CGNL1: variants seen among roughly 807,000 people sequenced by gnomAD.
CGNL1 encodes cingulin-like protein 1.
CGNL1 carries 132 observed loss-of-function variants against 141.2 expected under a neutral mutation model. The observed-to-expected ratio is 0.93, with a 90% CI of 0.81 to 1.08. The LOEUF is 1.08. Ranked by LOEUF, CGNL1 falls within the 50% of genes least tolerant of loss-of-function variation. The probability of loss-of-function intolerance (pLI) is 0.00; values close to 1 mark genes in which losing one functional copy is unlikely to be tolerated. For missense variants in CGNL1, 1,870 were observed against 1,588.6 expected (o/e 1.18, Z -3.01); for synonymous variants, 690 against 622.1 (o/e 1.11, Z -1.63).
chr15:57,437,619 CAAAAAAA>C (rs540499763), intron 1 of CGNL1, among the ~76,000 whole-genome samples: 26 of 36,084 alleles, frequency 7.2e-4, no homozygotes, highest in Middle Eastern at 0.023. Context: ...AACTAAACAG[CAAAAAAA>C]AAAAAAAAAA....
intron 7 of CGNL1, among the ~76,000 whole-genome samples, chr15:57,454,022 T>C (rs1488378751): frequency 6.6e-6 from 1 of 152,200 alleles, no homozygotes; most frequent in African/African-American, 2.4e-5. Flanking sequence ...TTATTATGTA[T>C]TCTCTCTTCT....
rs143041872 is a variant in CGNL1, at chr15:57,498,627, G to A, written c.2404-18153G>A. On this transcript the variant is annotated intron_variant, in intron 8 of 18. Coordinates refer to ENST00000281282, the MANE Select transcript of CGNL1 (RefSeq NM_032866.5). ...GGATGCATGCTGTCTATCCTAAAAC[G>A]TTTACAGAAAACATAAGAAAAAAAT... Among the ~76,000 whole-genome samples the A allele has an allele frequency of 2.7e-3, 411 of 152,164 alleles. 1 individual carries two copies. Among genetic ancestry groups the A allele is most frequent in the African/African-American group, 9.0e-3 (374 of 41,508 alleles).
intron 8 of CGNL1, among the ~76,000 whole-genome samples, chr15:57,509,933 A>G (rs2030103716): frequency 6.6e-6 from 1 of 152,214 alleles, no homozygotes; most frequent in African/African-American, 2.4e-5. Flanking sequence ...TTGACTGGGA[A>G]ATGGGGCTAA....
intron 1 of CGNL1, among the ~76,000 whole-genome samples, chr15:57,383,147 T>C (rs1248487705): frequency 4.6e-5 from 7 of 152,172 alleles, no homozygotes; most frequent in Non-Finnish European, 1.0e-4. Flanking sequence ...ACCTGGAATG[T>C]TCACTTAGAG....
intron 1 of CGNL1, among the ~76,000 whole-genome samples, chr15:57,380,694 G>C (rs2062414862): frequency 6.6e-6 from 1 of 152,180 alleles, no homozygotes; most frequent in Admixed American, 6.5e-5. Flanking sequence ...AGGGGAGGTG[G>C]GAGGTGGAGG....
intron 8 of CGNL1, among the ~76,000 whole-genome samples, chr15:57,476,132 G>A (rs2063653936): frequency 6.6e-6 from 1 of 152,200 alleles, no homozygotes; most frequent in African/African-American, 2.4e-5. Flanking sequence ...CTGACAGCCA[G>A]TTCGGTGTGG....
chr15:57,481,514 A>G (rs183758662), intron 8 of CGNL1, among the ~76,000 whole-genome samples: 2 of 152,318 alleles, frequency 1.3e-5, no homozygotes, highest in African/African-American at 2.4e-5. Context: ...GCATGTATCA[A>G]CAGGTTCTTT....
chr15:57,420,851 A>G (rs1405698668), intron 1 of CGNL1, among the ~76,000 whole-genome samples: 1 of 152,230 alleles, frequency 6.6e-6, no homozygotes, highest in African/African-American at 2.4e-5. Flanking sequence ...TTCGTTTTCT[A>G]TCTGCTGAAT....
At chr15:57,406,031 A>G (rs1208274590) in intron 1 of CGNL1, 3 of 152,356 alleles carry the variant, frequency 2.0e-5, no homozygotes, top group African/African-American at 7.2e-5. Flanking sequence ...CAGGAAGCAA[A>G]GCAGAGGTGG....
At chr15:57,505,388 TGGTCAGGTGACTATACCA>T (rs2064087763) in intron 8 of CGNL1, among the ~76,000 whole-genome samples, 1 of 152,202 alleles carries the variant, frequency 6.6e-6, no homozygotes, top group Admixed American at 6.5e-5. Context: ...AACCTCACAG[TGGTCAGGTGACTATACCA>T]GGATCAGGAC....
chr15:57,439,036 A>G lies in CGNL1; in HGVS notation c.1037A>G (p.Asp346Gly). 1 of 1,614,232 alleles carries G rather than the reference A, an allele frequency of 6.2e-7. No homozygotes were observed. The highest frequency in any genetic ancestry group is 1.3e-5 in the African/African-American group (1 of 75,058). Residue 346 changes from aspartate to glycine, a missense_variant, in exon 2 of 19, where the codon GAT becomes GGT. Physicochemically the swap from Asp to Gly is moderately conservative, Grantham distance 94. Coordinates refer to ENST00000281282, the MANE Select transcript of CGNL1 (RefSeq NM_032866.5). ...PFLPGTGRDI[D>G]TGSIPGVDQL... Reference sequence around the variant, plus strand: ...CTGCCAGGAACTGGACGGGATATTGATACAGGATCAATTCCTGGTGTGGAT... The same window carrying G: ...CTGCCAGGAACTGGACGGGATATTGGTACAGGATCAATTCCTGGTGTGGAT...
intron 1 of CGNL1, among the ~76,000 whole-genome samples, chr15:57,407,747 A>ATTT (rs35752757): frequency 8.1e-5 from 11 of 136,226 alleles, no homozygotes; most frequent in African/African-American, 1.6e-4. Context: ...ATTATTCTCA[A>ATTT]TTTTTTTTTT....
intron 1 of CGNL1, chr15:57,405,875 CGTCT>C (rs1362828135): frequency 5.6e-5 from 8 of 142,236 alleles, no homozygotes; most frequent in Non-Finnish European, 9.1e-5. Context: ...TCTGTCTGTC[CGTCT>C]GTCTGTCTCT....
intron 14 of CGNL1, among the ~76,000 whole-genome samples, chr15:57,543,388 A>G (rs1043180788): frequency 1.3e-5 from 2 of 152,162 alleles, no homozygotes; most frequent in Non-Finnish European, 2.9e-5. Context: ...TCTCCAAATA[A>G]GGTCACGGCA....
intron 8 of CGNL1, 97 bp downstream of exon 8, chr15:57,461,989 A>C (rs1464350799): frequency 1.1e-6 from 1 of 888,764 alleles, no homozygotes; most frequent in African/African-American, 1.7e-5. Context: ...CCTTTTAATT[A>C]GAGAGTGAAT....
At chr15:57,482,961 A>G (rs1290962472) in intron 8 of CGNL1, among the ~76,000 whole-genome samples, 1 of 151,916 alleles carries the variant, frequency 6.6e-6, no homozygotes, top group African/African-American at 2.4e-5. Context: ...ATTTTTTTGT[A>G]TTTTTAATAG....
At chr15:57,434,581 A>T (rs1405149446) in intron 1 of CGNL1, among the ~76,000 whole-genome samples, 5 of 152,198 alleles carry the variant, frequency 3.3e-5, no homozygotes, top group African/African-American at 1.2e-4. Context: ...ACCCCTGGGT[A>T]TGCCATTATG....
rs11517 is a variant in CGNL1 at position 57,550,469 on chromosome 15, A to G, written c.*2979A>G. 7,071 of 152,786 alleles carry G rather than the reference A, an allele frequency of 0.046. 329 individuals are homozygous for G. Among genetic ancestry groups the G allele is most frequent in the African/African-American group, 0.12 (4,890 of 41,564 alleles). The allele number at this position is 152,786 out of a possible 1,614,324, so 9.5% of individuals were successfully genotyped here. On this transcript the variant is annotated 3_prime_UTR_variant, in exon 19 of 19. Transcript: ENST00000281282. ...TAAAAAGAAAACATATATTTTATGT[A>G]AAAACACATACATGGCCAAATGCAA... is the stretch of plus-strand genomic sequence containing the variant.
At chr15:57,453,954 C>A in intron 7 of CGNL1, 136 bp downstream of exon 7, 1 of 923,692 alleles carries the variant, frequency 1.1e-6, no homozygotes, top group East Asian at 2.6e-5. Context: ...ATCTGTGAGT[C>A]AGTGGATGCG....
Sources: gnomAD v4.1 joint callset for allele counts (sites outside exome capture counted in the v4.1 genomes callset) on GRCh38, gnomAD v4.1.1 for gene constraint, MANE v1.5 for transcripts, NCBI Gene and HGNC (gene_info 2026-07-23, HGNC 2026-07-21) for gene names.